RIPOR2: variants seen among roughly 807,000 people sequenced by gnomAD.
The protein encoded by RIPOR2 is RHO family interacting cell polarization regulator 2.
In RIPOR2, 39 loss-of-function variants were observed where a neutral mutation model predicts 114.5. That is an observed-to-expected ratio of 0.34 (90% confidence interval 0.26 to 0.44). The LOEUF (loss-of-function observed/expected upper bound fraction) is 0.44. RIPOR2 is among the 20% of genes least tolerant of loss of function. RIPOR2 has a pLI of 1.00. For synonymous variants in RIPOR2, 445 were observed against 484.4 expected, an observed-to-expected ratio of 0.92 and a Z score of 1.07; for missense variants, 1,007 against 1,255.1, an observed-to-expected ratio of 0.80 and a Z score of 2.99.
chr6:24,964,161 G>A (rs1773425304), intron 1 of RIPOR2, among the ~76,000 whole-genome samples: 3 of 151,702 alleles, frequency 2.0e-5, no homozygotes, highest in Non-Finnish European at 4.4e-5. Context: ...GTGTGTGTGT[G>A]TGTGTGTGTG....
At chr6:24,926,922 CAT>C (rs1770897686) in intron 1 of RIPOR2, among the ~76,000 whole-genome samples, 1 of 150,434 alleles carries the variant, frequency 6.6e-6, no homozygotes, top group African/African-American at 2.5e-5. Context: ...CCACCATCAT[CAT>C]CACCACCACC....
intron 2 of RIPOR2, among the ~76,000 whole-genome samples, chr6:24,874,222 G>C (rs1765497175): frequency 6.6e-6 from 1 of 152,040 alleles, no homozygotes; most frequent in African/African-American, 2.4e-5. Flanking sequence ...GTAGAGATAG[G>C]GTCTAGCTTC....
At chr6:24,842,160 T>C (rs1216018867) in intron 13 of RIPOR2, among the ~76,000 whole-genome samples, 2 of 152,162 alleles carry the variant, frequency 1.3e-5, no homozygotes, top group Non-Finnish European at 2.9e-5. Context: ...CAGTGTTTTT[T>C]AAAAAATTAA....
At chr6:24,998,149 C>T (rs1775130601) in intron 1 of RIPOR2, among the ~76,000 whole-genome samples, 1 of 152,096 alleles carries the variant, frequency 6.6e-6, no homozygotes, top group Non-Finnish European at 1.5e-5. Flanking sequence ...CTCTTTTTCT[C>T]CTTTTCCCCT....
intron 19 of RIPOR2, among the ~76,000 whole-genome samples, chr6:24,822,089 G>C (rs1759752670): frequency 6.6e-6 from 1 of 152,156 alleles, no homozygotes; most frequent in Non-Finnish European, 1.5e-5. Flanking sequence ...AACAAAGTAG[G>C]ATCCCGCCAT....
At chr6:25,012,943 T>C (rs1263681121) in intron 1 of RIPOR2, among the ~76,000 whole-genome samples, 1 of 151,810 alleles carries the variant, frequency 6.6e-6, no homozygotes, top group African/African-American at 2.4e-5. Context: ...CCTGCCTCCA[T>C]ACGGAGGGGA....
intron 1 of RIPOR2, among the ~76,000 whole-genome samples, chr6:24,995,590 G>A (rs1410147072): frequency 6.6e-6 from 1 of 152,198 alleles, no homozygotes; most frequent in Non-Finnish European, 1.5e-5. Flanking sequence ...TGGCAGGGCT[G>A]CAGTCTCGCA....
rs180926714 is a variant in RIPOR2, at chr6:25,037,214, C to T, written c.76+4637G>A. Among the ~76,000 whole-genome samples, 17 of 152,246 alleles carry T rather than the reference C, an allele frequency of 1.1e-4. No homozygotes were observed. The highest frequency in any genetic ancestry group is 9.8e-4 in the Admixed American group (15 of 15,296). On this transcript the variant is annotated intron_variant, in intron 1 of 13. Transcript: ENST00000510784. The surrounding 1 kb of genome is among the most constrained non-coding windows in gnomAD (Gnocchi z 4.5). ...GAGGTGGAATAAATTGCCCACAGGC[C>T]AACAGCTAAGAAGTTGTAGAAGCAG...
At chr6:24,847,642 C>G in intron 12 of RIPOR2, 1 of 1,551,698 alleles carries the variant, frequency 6.4e-7, no homozygotes, top group Non-Finnish European at 8.7e-7. Flanking sequence ...TTGCAAGGCA[C>G]TCAAGACAGA....
chr6:24,836,837 C>CTCTCTG (rs1761158396), intron 14 of RIPOR2, among the ~76,000 whole-genome samples: 1 of 152,122 alleles, frequency 6.6e-6, no homozygotes, highest in Non-Finnish European at 1.5e-5. Flanking sequence ...CACACTCTCT[C>CTCTCTG]TCTCTCTCTG....
intron 1 of RIPOR2, among the ~76,000 whole-genome samples, chr6:24,929,830 T>G (rs1051668509): frequency 6.6e-6 from 1 of 152,120 alleles, no homozygotes; most frequent in African/African-American, 2.4e-5. Flanking sequence ...TCCCAGCACT[T>G]GGAGAGGCCT....
rs1167267300 is a variant in RIPOR2, at chr6:24,843,252, T to C, written c.1467A>G (p.Lys489=). ...AAGCCTCAGATGGGGCCGAGGCAGG[T>C]TTTCTGGGCTCCTCTGGGTCTTCCT... ...LKEEDPEEPR[K]PASAPSEACR... The change falls in exon 13 of 22, where the codon AAA becomes AAG. Residue 489 remains lysine, a synonymous_variant. Transcript: ENST00000643898. The C allele has an allele frequency of 6.2e-7, 1 of 1,613,818 alleles. No individual in the cohort carries two copies. Among genetic ancestry groups the C allele is most frequent in the Non-Finnish European group, 8.5e-7 (1 of 1,179,850 alleles).
At chr6:24,826,901 A>ATT (rs147841757) in intron 18 of RIPOR2, among the ~76,000 whole-genome samples, 3,035 of 149,238 alleles carry the variant, frequency 0.02, 36 homozygotes, top group Non-Finnish European at 0.024. Flanking sequence ...CTCTGTTTAC[A>ATT]TTTTTTTTTT....
At position 24,955,417 on chromosome 6, in the gene RIPOR2, C is replaced by T. The variant is rs184243928; in HGVS notation, c.77-79600G>A. Among the ~76,000 whole-genome samples the T allele has an allele frequency of 1.6e-4, 25 of 152,250 alleles. No individual in the cohort carries two copies. In the East Asian group the frequency reaches 4.6e-3, roughly 28 times the overall value. On this transcript the variant is annotated intron_variant, in intron 1 of 13. Transcript: ENST00000510784. ...CCTGGGGGACAGAAGGCTCACAGCT[C>T]ACACAATATTAAGTTAGTTTTAAAA...
At chr6:24,961,730 T>TTCTCCTACCTCA (rs1773318495) in intron 1 of RIPOR2, among the ~76,000 whole-genome samples, 1 of 151,924 alleles carries the variant, frequency 6.6e-6, no homozygotes, top group Non-Finnish European at 1.5e-5. Flanking sequence ...GTTCAAGTGA[T>TTCTCCTACCTCA]GCTCCTACCT....
At chr6:24,840,073 C>A in intron 13 of RIPOR2, 2 of 739,612 alleles carry the variant, frequency 2.7e-6, no homozygotes, top group Non-Finnish European at 3.3e-6. Context: ...CCTTAGCCTC[C>A]CAGGTAGCTG....
chr6:24,824,077 G>C (rs1327947233), intron 19 of RIPOR2, among the ~76,000 whole-genome samples: 2 of 152,132 alleles, frequency 1.3e-5, no homozygotes, highest in Non-Finnish European at 2.9e-5. Context: ...ATTTCTAAGG[G>C]CACATTTCGA....
At chr6:25,028,292 T>C (rs1211235614) in intron 1 of RIPOR2, among the ~76,000 whole-genome samples, 2 of 152,026 alleles carry the variant, frequency 1.3e-5, no homozygotes, top group African/African-American at 4.8e-5. Context: ...GTTTTGAGAT[T>C]TGGGGATAGG....
At chr6:24,839,389 GT>G in intron 13 of RIPOR2, 117 bp from the exon 14 acceptor site, 1 of 1,429,384 alleles carries the variant, frequency 7.0e-7, no homozygotes, top group Non-Finnish European at 9.2e-7. Context: ...TTTATTTTTT[GT>G]TAGCATTTAA....
Sources: gnomAD v4.1 joint callset for allele counts (sites outside exome capture counted in the v4.1 genomes callset) on GRCh38, gnomAD v4.1.1 for gene constraint, Gnocchi (gnomAD v3.1) non-coding constraint, MANE v1.5 for transcripts, NCBI Gene and HGNC (gene_info 2026-07-23, HGNC 2026-07-21) for gene names.